Variants in ERICH1 observed in about 807,000 individuals in gnomAD.
ERICH1 encodes the protein glutamate-rich protein 1.
A neutral mutation model predicts 39.6 loss-of-function variants in ERICH1; 56 were observed. That is an observed-to-expected ratio of 1.41 (90% CI 1.14 to 1.77). The LOEUF is 1.77. Among genes scored for constraint, ERICH1 ranks in the 40% most tolerant of loss-of-function variants. ERICH1 has a pLI of 0.00. For synonymous variants in ERICH1, 313 were observed against 223.6 expected (o/e 1.40, Z -3.57); for missense variants, 826 against 575.4 (o/e 1.44, Z -4.45).
At chr8:701,214 CTGGA>C (rs1812041572) in intron 2 of ERICH1, among the ~76,000 whole-genome samples, 4 of 152,216 alleles carry the variant, frequency 2.6e-5, no homozygotes, top group African/African-American at 7.2e-5. Flanking sequence ...GTCTACCCTG[CTGGA>C]CGGGAGCACG....
chr8:628,555 G>C (rs572350814), intron 3 of ERICH1, among the ~76,000 whole-genome samples: 5 of 152,350 alleles, frequency 3.3e-5, no homozygotes, highest in African/African-American at 1.2e-4. Context: ...GAGGGGCATG[G>C]GACCCGAGAG....
chr8:704,069 C>A (rs138803686), intron 2 of ERICH1, among the ~76,000 whole-genome samples: 1 of 152,196 alleles, frequency 6.6e-6, no homozygotes, highest in African/African-American at 2.4e-5. Context: ...CACAGCGACA[C>A]TGGATGTTAA....
At chr8:670,478 G>A (rs1011823350) in intron 4 of ERICH1, among the ~76,000 whole-genome samples, 1 of 152,158 alleles carries the variant, frequency 6.6e-6, no homozygotes, top group Non-Finnish European at 1.5e-5. Context: ...CAGGCAGACC[G>A]AGTAGAGGGG....
At chr8:697,245 T>C (rs1810529630) in intron 2 of ERICH1, among the ~76,000 whole-genome samples, 1 of 152,086 alleles carries the variant, frequency 6.6e-6, no homozygotes, top group Admixed American at 6.5e-5. Flanking sequence ...CAGCTGCAAA[T>C]GGCCCCAGGG....
intron 4 of ERICH1, among the ~76,000 whole-genome samples, chr8:669,727 A>T (rs904481389): frequency 6.6e-6 from 1 of 152,268 alleles, no homozygotes; most frequent in African/African-American, 2.4e-5. Context: ...ACATCGCTTA[A>T]AAAAAGAATC....
intron 3 of ERICH1, among the ~76,000 whole-genome samples, chr8:634,305 G>A (rs1314042878): frequency 6.6e-6 from 1 of 152,200 alleles, no homozygotes; most frequent in African/African-American, 2.4e-5. Flanking sequence ...CCGTTGGGAT[G>A]GCTGCTATAG....
At chr8:630,800 C>T (rs76777040) in intron 3 of ERICH1, among the ~76,000 whole-genome samples, 55 of 117,530 alleles carry the variant, frequency 4.7e-4, no homozygotes, top group East Asian at 2.3e-3. Context: ...CACACCCTCC[C>T]GTGACCACCC....
At chr8:711,304 T>C (rs1423938396) in intron 2 of ERICH1, among the ~76,000 whole-genome samples, 2 of 152,200 alleles carry the variant, frequency 1.3e-5, no homozygotes, top group African/African-American at 2.4e-5. Context: ...GACAATGTCA[T>C]TCGCAGAGCA....
In ERICH1 at chr8:664,603, T is replaced by G; in HGVS notation, c.1332A>C (p.Ter444TyrextTer6). The G allele has an allele frequency of 6.2e-7, 1 of 1,608,468 alleles. No individual in the cohort carries two copies. The highest frequency in any genetic ancestry group is 8.5e-7 in the Non-Finnish European group (1 of 1,177,992). The change falls in exon 6 of 6, where the codon TAA becomes TAC. Residue 444 changes from the stop codon to tyrosine, a stop_lost. Transcript: ENST00000262109. Reference protein sequence around the residue: ...THILPEKSSD* With the variant: ...THILPEKSSDY Reference sequence around the variant, plus strand: ...GCTGTTCTTAAAGAGATATTCCATTTTAGTCACTGCTCTTCTCAGGAAGGA... The same window carrying G: ...GCTGTTCTTAAAGAGATATTCCATTGTAGTCACTGCTCTTCTCAGGAAGGA...
At chr8:655,865 C>A (rs914482679) in intron 3 of ERICH1, among the ~76,000 whole-genome samples, 4 of 152,146 alleles carry the variant, frequency 2.6e-5, no homozygotes, top group African/African-American at 9.7e-5. Flanking sequence ...ACATCCTTTC[C>A]TGTCTTACTT....
chr8:706,883 C>G (rs1017547732), intron 2 of ERICH1, among the ~76,000 whole-genome samples: 1 of 152,172 alleles, frequency 6.6e-6, no homozygotes, highest in Non-Finnish European at 1.5e-5. Flanking sequence ...AAGCTAGGGA[C>G]TGGACAATGT....
Position 707,208 on chromosome 8 carries a change from C to CTT in ERICH1, c.169+8651_169+8652dup, listed in dbSNP as rs71528615. On this transcript the variant is annotated intron_variant, in intron 2 of 5. Coordinates refer to ENST00000262109, the MANE Select transcript of ERICH1 (RefSeq NM_207332.3). Reference sequence around the variant, plus strand: ...TGTGGCCAACTGATTTTTTTTGTTTCTTTTTTTTTTTTTTTTTTAGACAGA... The same window carrying CTT: ...TGTGGCCAACTGATTTTTTTTGTTTCTTTTTTTTTTTTTTTTTTTTAGACAGA... Among the ~76,000 whole-genome samples, 353 of 136,402 alleles carry CTT rather than the reference C, an allele frequency of 2.6e-3. 6 individuals are homozygous for CTT. Among genetic ancestry groups the CTT allele is most frequent in the African/African-American group, 4.7e-3 (170 of 35,956 alleles). The allele number at this position is 136,402 out of a possible 152,430, so 89.5% of individuals were successfully genotyped here. A position where few individuals can be genotyped will look rare whatever the true frequency, so the allele number is the denominator to read the frequency against.
At chr8:731,089 C>T in intron 1 of ERICH1, 51 bp downstream of exon 1, 1 of 1,414,728 alleles carries the variant, frequency 7.1e-7, no homozygotes, top group Non-Finnish European at 9.2e-7. Flanking sequence ...GCGGTCTGAG[C>T]CGAGAGCCGG....
chr8:669,927 C>G (rs1180905944), intron 4 of ERICH1, among the ~76,000 whole-genome samples: 1 of 152,170 alleles, frequency 6.6e-6, no homozygotes, highest in Non-Finnish European at 1.5e-5. Context: ...ACTCTGTGTC[C>G]TGTAACAATG....
chr8:642,596 G>A (rs980900485), intron 3 of ERICH1, among the ~76,000 whole-genome samples: 2 of 151,818 alleles, frequency 1.3e-5, no homozygotes, highest in African/African-American at 2.4e-5. Context: ...TGCCCGCCTC[G>A]GCCTCCCAAA....
chr8:657,852 G>C (rs1005893070), intron 3 of ERICH1, among the ~76,000 whole-genome samples: 5 of 152,160 alleles, frequency 3.3e-5, no homozygotes, highest in African/African-American at 1.2e-4. Flanking sequence ...CAAATCAGAC[G>C]TAGTGAAAGG....
intron 3 of ERICH1, among the ~76,000 whole-genome samples, chr8:655,084 C>G (rs1432162783): frequency 6.6e-6 from 1 of 152,184 alleles, no homozygotes; most frequent in Non-Finnish European, 1.5e-5. Context: ...GAAAACCAAC[C>G]CCGAGTGGTC....
At chr8:693,678 G>A (rs941715515) in intron 2 of ERICH1, among the ~76,000 whole-genome samples, 1 of 150,856 alleles carries the variant, frequency 6.6e-6, no homozygotes, top group Non-Finnish European at 1.5e-5. Context: ...CCTCCCTGCT[G>A]TGTGCCCCTC....
At chr8:615,192 C>G (rs1206135200) in exon 4 of ERICH1, 2 of 658,046 alleles carry the variant, frequency 3.0e-6, no homozygotes, top group Non-Finnish European at 5.4e-6. Context: ...TCCTCTTGAC[C>G]TGGAATTGTC....
Sources: allele counts gnomAD v4.1 joint callset (sites outside exome capture counted in the v4.1 genomes callset), GRCh38; gene constraint gnomAD v4.1.1; transcripts MANE v1.5; gene names NCBI Gene and HGNC (gene_info 2026-07-23, HGNC 2026-07-21).